PSMD1: variants seen among roughly 807,000 people sequenced by gnomAD.
PSMD1 encodes the protein 26S proteasome non-ATPase regulatory subunit 1.
A neutral mutation model predicts 119.0 loss-of-function variants in PSMD1; 18 were observed. The observed-to-expected ratio is 0.15, with a 90% CI of 0.10 to 0.22. The LOEUF is 0.22. Ranked by LOEUF, PSMD1 falls within the 10% of genes least tolerant of loss-of-function variation. PSMD1 has a pLI of 1.00. For missense variants in PSMD1, 702 were observed against 1,158.5 expected (o/e 0.61, Z 5.72); for synonymous variants, 374 against 396.6 (o/e 0.94, Z 0.68).
At chr2:231,081,235 C>G (rs1694302895) in intron 12 of PSMD1, among the ~76,000 whole-genome samples, 1 of 150,860 alleles carries the variant, frequency 6.6e-6, no homozygotes, top group South Asian at 2.1e-4. Flanking sequence ...TGCAGGTACA[C>G]ACATTTTTAC....
At chr2:231,103,542 A>G (rs1192399135) in intron 16 of PSMD1, among the ~76,000 whole-genome samples, 1 of 152,246 alleles carries the variant, frequency 6.6e-6, no homozygotes, top group Non-Finnish European at 1.5e-5. Flanking sequence ...CACAGACTCC[A>G]CACTTTGAAC....
At chr2:231,063,309 T>A (rs1693805582) in intron 4 of PSMD1, among the ~76,000 whole-genome samples, 1 of 152,216 alleles carries the variant, frequency 6.6e-6, no homozygotes, top group East Asian at 1.9e-4. Flanking sequence ...ATGTAAGATT[T>A]GATACAAAGA....
Position 231,143,338 on chromosome 2 carries a change from T to A in PSMD1, c.1999-2902T>A, listed in dbSNP as rs575271958. Among the ~76,000 whole-genome samples the A allele has an allele frequency of 6.2e-4, 94 of 151,728 alleles. 1 individual carries two copies. Among genetic ancestry groups the A allele is most frequent in the African/African-American group, 2.1e-3 (86 of 41,354 alleles). On this transcript the variant is annotated intron_variant, in intron 17 of 24. Coordinates refer to ENST00000308696, the MANE Select transcript of PSMD1 (RefSeq NM_002807.4). The stretch of plus-strand genomic sequence containing the variant: ...TCCACCTCCTGGGTTCAAGTGATTC[T>A]CCTGCCTCAGCCTCCCCAGTAGCTG...
chr2:231,150,179 A>G (rs902448337), intron 18 of PSMD1, among the ~76,000 whole-genome samples: 2 of 151,770 alleles, frequency 1.3e-5, no homozygotes, highest in Non-Finnish European at 2.9e-5. Context: ...CCCCGTCTCT[A>G]CTAAAAATAC....
Position 231,077,176 on chromosome 2 carries a change from C to A in PSMD1, c.1071+14C>A. 6.9e-7 allele frequency: 1 copy of A among 1,457,304 alleles called. No homozygotes were observed. The highest frequency in any genetic ancestry group is 9.2e-7 in the Non-Finnish European group (1 of 1,084,094). The allele number at this position is 1,457,304 out of a possible 1,614,324, so 90.3% of individuals were successfully genotyped here. The stretch of plus-strand genomic sequence containing the variant: ...AAAAACACAAAGGTAAGAAATTCAT[C>A]AATAATAGAGGATTTTAAAAAATAT... On this transcript the variant is annotated intron_variant, in intron 9 of 24. Transcript: ENST00000308696.
In PSMD1 at chr2:231,117,112, T is replaced by C. The variant is rs566000528; in HGVS notation, c.1884-21624T>C. On this transcript the variant is annotated intron_variant, in intron 16 of 24. Coordinates refer to ENST00000308696, the MANE Select transcript of PSMD1 (RefSeq NM_002807.4). ...TTTCATTCTAAAATCATTTTTTAGT[T>C]AGTATTAATTTAGCTCAAAGTCAGA... 3.9e-5 allele frequency among the ~76,000 whole-genome samples: 6 copies of C among 152,206 alleles called. No homozygotes were observed. In the East Asian group the frequency reaches 1.2e-3, roughly 29 times the overall value.
intron 5 of PSMD1, 54 bp downstream of exon 5, chr2:231,067,165 A>G: frequency 7.4e-7 from 1 of 1,349,592 alleles, no homozygotes. Context: ...TCAGCAAAGC[A>G]AGTTATTCAA....
intron 19 of PSMD1, 100 bp from the exon 20 acceptor site, chr2:231,161,237 TTAA>T: frequency 8.9e-7 from 1 of 1,121,110 alleles, no homozygotes; most frequent in Non-Finnish European, 1.2e-6. Flanking sequence ...CCCTATCTCT[TTAA>T]AAAAAAAAAA....
At chr2:231,090,196 G>A (rs1032774309) in intron 16 of PSMD1, among the ~76,000 whole-genome samples, 8 of 152,178 alleles carry the variant, frequency 5.3e-5, no homozygotes, top group Non-Finnish European at 1.0e-4. Context: ...CCTGTGGATC[G>A]AGGAGTAATT....
At chr2:231,109,171 C>A in intron 16 of PSMD1, 4 of 1,614,198 alleles carry the variant, frequency 2.5e-6, no homozygotes, top group Non-Finnish European at 3.4e-6. Flanking sequence ...AAACTGTAGA[C>A]ACAGTCAACC....
chr2:231,167,064 A>G (rs1476163937), intron 23 of PSMD1, among the ~76,000 whole-genome samples: 1 of 152,234 alleles, frequency 6.6e-6, no homozygotes, highest in African/African-American at 2.4e-5. Flanking sequence ...TGTGGAGATT[A>G]AATAGGTTGT....
chr2:231,154,528 C>T (rs1373226845), intron 19 of PSMD1, among the ~76,000 whole-genome samples: 2 of 152,174 alleles, frequency 1.3e-5, no homozygotes, highest in African/African-American at 4.8e-5. Flanking sequence ...AGTGCAGTGG[C>T]GCAAGCATGG....
At chr2:231,127,341 C>CT (rs899618423) in intron 16 of PSMD1, among the ~76,000 whole-genome samples, 1 of 150,966 alleles carries the variant, frequency 6.6e-6, no homozygotes, top group Non-Finnish European at 1.5e-5. Context: ...AGACTTGTAC[C>CT]TTTTTTTGTG....
rs375675745 is a variant in PSMD1 at position 231,070,177 on chromosome 2, A to C, written c.654+9A>C. ...TCATCAATGTTTGTCAGGTAATGAC[A>C]TTAAATTATGTTTCATTACATTGCT... On this transcript the variant is annotated intron_variant, in intron 6 of 24. Coordinates refer to ENST00000308696, the MANE Select transcript of PSMD1 (RefSeq NM_002807.4). 4.6e-6 allele frequency: 7 copies of C among 1,521,874 alleles called. No individual in the cohort carries two copies. The highest frequency in any genetic ancestry group is 6.1e-6 in the Non-Finnish European group (7 of 1,140,250). The allele number at this position is 1,521,874 out of a possible 1,614,324, so 94.3% of individuals were successfully genotyped here. A position where few individuals can be genotyped will look rare whatever the true frequency, so the allele number is the denominator to read the frequency against.
At chr2:231,120,245 C>T (rs1638493888) in intron 16 of PSMD1, among the ~76,000 whole-genome samples, 1 of 152,174 alleles carries the variant, frequency 6.6e-6, no homozygotes, top group Non-Finnish European at 1.5e-5. Context: ...AGCCACCGTG[C>T]CCAGCCTCCC....
Position 231,138,860 on chromosome 2 carries a change from A to G in PSMD1, c.1998+10A>G, listed in dbSNP as rs375073015. On this transcript the variant is annotated intron_variant, in intron 17 of 24. Transcript: ENST00000308696. Reference sequence around the variant, plus strand: ...TGGTACAGGAAACAAGGTAAAGCCCACAGCCAATGGGGTCAGTTCTTTCTT... The same window carrying G: ...TGGTACAGGAAACAAGGTAAAGCCCGCAGCCAATGGGGTCAGTTCTTTCTT... 3.5e-4 allele frequency: 562 copies of G among 1,591,264 alleles called. 1 individual carries two copies. Among genetic ancestry groups the G allele is most frequent in the Non-Finnish European group, 4.8e-4 (551 of 1,159,452 alleles).
chr2:231,094,471 G>A (rs994581876), intron 16 of PSMD1, among the ~76,000 whole-genome samples: 1 of 152,172 alleles, frequency 6.6e-6, no homozygotes, highest in Non-Finnish European at 1.5e-5. Flanking sequence ...GGGTGGGCTC[G>A]AGAATGGACT....
At chr2:231,105,905 TTG>T (rs1179810776) in intron 16 of PSMD1, among the ~76,000 whole-genome samples, 18 of 152,290 alleles carry the variant, frequency 1.2e-4, no homozygotes, top group Middle Eastern at 3.4e-3. Flanking sequence ...CCCAGTATCT[TTG>T]TGTTTCTGTC....
intron 16 of PSMD1, among the ~76,000 whole-genome samples, chr2:231,114,786 TACAC>T (rs1483258024): frequency 2.6e-5 from 4 of 152,196 alleles, no homozygotes; most frequent in Admixed American, 2.0e-4. Context: ...TAAATTTACT[TACAC>T]AGATGTTCAT....
Sources: allele counts gnomAD v4.1 joint callset (sites outside exome capture counted in the v4.1 genomes callset), GRCh38; gene constraint gnomAD v4.1.1; transcripts MANE v1.5; gene names NCBI Gene and HGNC (gene_info 2026-07-23, HGNC 2026-07-21).